Variants in CDH13 observed in about 807,000 individuals in gnomAD.
The protein encoded by CDH13 is cadherin 13, also known as cadherin-13.
A neutral mutation model predicts 63.8 loss-of-function variants in CDH13; 24 were observed. That is an observed-to-expected ratio of 0.38 (90% CI 0.27 to 0.53). The LOEUF (loss-of-function observed/expected upper bound fraction) is 0.53, where lower values mean the gene tolerates loss of function less well. Ranked by LOEUF, CDH13 falls within the 20% of genes least tolerant of loss-of-function variation. CDH13 has a pLI of 0.85. For synonymous variants in CDH13, 503 were observed against 355.3 expected (o/e 1.42, Z -4.67); for missense variants, 1,049 against 903.1 (o/e 1.16, Z -2.07).
chr16:83,323,020 C>T (rs1180133142), intron 5 of CDH13, among the ~76,000 whole-genome samples: 1 of 151,928 alleles, frequency 6.6e-6, no homozygotes, highest in Non-Finnish European at 1.5e-5. Context: ...TGGCCCCCTA[C>T]CCTGTAGGGG....
At position 83,482,519 on chromosome 16, in the gene CDH13, A is replaced by G. The variant is rs548545247; in HGVS notation, c.782-3958A>G. Among the ~76,000 whole-genome samples the G allele has an allele frequency of 3.0e-4, 46 of 152,306 alleles. No homozygotes were observed. The South Asian group carries it at 7.5e-3, about 25-fold the overall frequency. Reference sequence around the variant, plus strand: ...TTTCCCAAATCTGTTTCTCGACTGAATCTATGGAGCCAGAGTTCCTCGGAA... The same window carrying G: ...TTTCCCAAATCTGTTTCTCGACTGAGTCTATGGAGCCAGAGTTCCTCGGAA... On this transcript the variant is annotated intron_variant, in intron 6 of 13. Transcript: ENST00000567109.
intron 7 of CDH13, among the ~76,000 whole-genome samples, chr16:83,556,187 G>T (rs1456205855): frequency 6.6e-6 from 1 of 152,186 alleles, no homozygotes; most frequent in Non-Finnish European, 1.5e-5. Flanking sequence ...GACAATTTGG[G>T]TCTAGCATCA....
At chr16:83,094,952 A>T (rs1192489271) in intron 3 of CDH13, among the ~76,000 whole-genome samples, 1 of 152,180 alleles carries the variant, frequency 6.6e-6, no homozygotes, top group Admixed American at 6.5e-5. Flanking sequence ...CATCCTGTGT[A>T]CACCTTGTGT....
At chr16:82,638,548 A>G (rs757862651) in intron 1 of CDH13, among the ~76,000 whole-genome samples, 4 of 152,162 alleles carry the variant, frequency 2.6e-5, no homozygotes. Context: ...CTATGCTCCA[A>G]GGAATTTTAT....
intron 1 of CDH13, among the ~76,000 whole-genome samples, chr16:82,811,372 G>T (rs1164673610): frequency 1.3e-5 from 2 of 152,130 alleles, no homozygotes; most frequent in Non-Finnish European, 1.5e-5. Flanking sequence ...ATAGGCTTTG[G>T]TGGCAGGTTT....
intron 5 of CDH13, among the ~76,000 whole-genome samples, chr16:83,322,138 G>T (rs989424483): frequency 4.0e-5 from 6 of 151,174 alleles, no homozygotes; most frequent in Admixed American, 2.8e-4. Flanking sequence ...GGATCGTTGA[G>T]GGGGGTCAGG....
At chr16:83,418,275 C>T (rs567352294) in intron 6 of CDH13, among the ~76,000 whole-genome samples, 2 of 152,294 alleles carry the variant, frequency 1.3e-5, no homozygotes, top group East Asian at 3.9e-4. Flanking sequence ...AAGCATTTAG[C>T]TCAGCAGCTG....
intron 5 of CDH13, among the ~76,000 whole-genome samples, chr16:83,325,876 T>C (rs1241127391): frequency 6.6e-6 from 1 of 152,186 alleles, no homozygotes; most frequent in Admixed American, 6.5e-5. Context: ...TGTGTTAAAT[T>C]AATTGAATAT....
intron 1 of CDH13, among the ~76,000 whole-genome samples, chr16:82,810,315 A>G (rs1041400914): frequency 2.0e-5 from 3 of 152,180 alleles, no homozygotes; most frequent in Admixed American, 6.6e-5. Context: ...TGCTAAAGTT[A>G]GGGAGGAAAC....
At chr16:83,688,218 C>T (rs949024974) in intron 10 of CDH13, among the ~76,000 whole-genome samples, 5 of 152,064 alleles carry the variant, frequency 3.3e-5, no homozygotes, top group African/African-American at 1.2e-4. Flanking sequence ...AAGCAAAAAC[C>T]ATCATTGACT....
chr16:83,163,922 C>T (rs1248739154), intron 4 of CDH13, among the ~76,000 whole-genome samples: 5 of 152,072 alleles, frequency 3.3e-5, no homozygotes, highest in South Asian at 2.1e-4. Context: ...TCATCATCAT[C>T]GCAATAATAA....
intron 5 of CDH13, among the ~76,000 whole-genome samples, chr16:83,271,978 A>G (rs1442922824): frequency 6.6e-6 from 1 of 152,188 alleles, no homozygotes; most frequent in African/African-American, 2.4e-5. Context: ...CATAATGGTA[A>G]TAAACATTTG....
At chr16:83,366,238 A>T (rs2091255185) in intron 6 of CDH13, among the ~76,000 whole-genome samples, 1 of 152,214 alleles carries the variant, frequency 6.6e-6, no homozygotes, top group Non-Finnish European at 1.5e-5. Context: ...TACAATTTTC[A>T]AGTATTCCCA....
At chr16:83,181,985 G>T (rs1046632157) in intron 4 of CDH13, among the ~76,000 whole-genome samples, 1 of 152,152 alleles carries the variant, frequency 6.6e-6, no homozygotes, top group Non-Finnish European at 1.5e-5. Context: ...ACAGAAGCTG[G>T]ATTCCCCTCC....
At chr16:83,669,346 T>C (rs947908294) in intron 8 of CDH13, among the ~76,000 whole-genome samples, 5 of 152,174 alleles carry the variant, frequency 3.3e-5, no homozygotes, top group Non-Finnish European at 5.9e-5. Context: ...CTCTGGGAGA[T>C]TCTAATGTGC....
chr16:82,862,278 C>G lies in CDH13; in HGVS notation c.157+3805C>G, dbSNP rs1199965172. ...AAGATCCCCAGTCTTAGAAGAATAG[C>G]TGTCTTGGGCAACTGACCAGCCACC... is the stretch of plus-strand genomic sequence containing the variant. On this transcript the variant is annotated intron_variant, in intron 2 of 13. Coordinates refer to ENST00000567109, the MANE Select transcript of CDH13 (RefSeq NM_001257.5). 2.6e-5 allele frequency among the ~76,000 whole-genome samples: 4 copies of G among 152,198 alleles called. No homozygotes were observed. In the South Asian group the frequency reaches 6.2e-4, roughly 24 times the overall value.
chr16:83,047,435 C>A lies in CDH13; in HGVS notation c.366+15217C>A, dbSNP rs183855886. 3.0e-3 allele frequency among the ~76,000 whole-genome samples: 460 copies of A among 152,216 alleles called. 1 individual carries two copies. The highest frequency in any genetic ancestry group is 5.5e-3 in the Non-Finnish European group (375 of 68,024). ...GTTAACAAAGCCTAGTCTGTAAGAGCGTGACCACCAGTCTTATTTACCTTG... is the reference window on the plus strand; with the variant it reads ...GTTAACAAAGCCTAGTCTGTAAGAGAGTGACCACCAGTCTTATTTACCTTG... On this transcript the variant is annotated intron_variant, in intron 3 of 13. Transcript: ENST00000567109. This position sits in a 1 kb window ranked among gnomAD's most constrained non-coding sequence, Gnocchi z 4.9.
chr16:83,596,336 G>T (rs537940201), intron 7 of CDH13, among the ~76,000 whole-genome samples: 1 of 152,282 alleles, frequency 6.6e-6, no homozygotes, highest in African/African-American at 2.4e-5. Flanking sequence ...GGAGTTCGGG[G>T]TTTACCCTAC....
chr16:82,969,537 G>C (rs909831394), intron 2 of CDH13, among the ~76,000 whole-genome samples: 3 of 141,318 alleles, frequency 2.1e-5, no homozygotes, highest in Non-Finnish European at 4.5e-5. Context: ...GTGGAAAGAT[G>C]ATGGGGCTAG....
Sources: gnomAD v4.1 joint callset for allele counts (sites outside exome capture counted in the v4.1 genomes callset) on GRCh38, gnomAD v4.1.1 for gene constraint, Gnocchi (gnomAD v3.1) non-coding constraint, MANE v1.5 for transcripts, NCBI Gene and HGNC (gene_info 2026-07-23, HGNC 2026-07-21) for gene names.